PRKD1: variants seen among roughly 807,000 people sequenced by gnomAD.
PRKD1 encodes the protein serine/threonine-protein kinase D1.
A neutral mutation model predicts 95.9 loss-of-function variants in PRKD1; 63 were observed. That is an observed-to-expected ratio of 0.66 (90% CI 0.54 to 0.81). The LOEUF (loss-of-function observed/expected upper bound fraction) is 0.81, where lower values mean the gene tolerates loss of function less well. Ranked by LOEUF, PRKD1 falls within the 30% of genes least tolerant of loss-of-function variation. The pLI, the probability that PRKD1 is intolerant of heterozygous loss-of-function variation, is 0.00. For missense variants in PRKD1, 1,048 were observed against 1,165.3 expected (o/e 0.90, Z 1.47); for synonymous variants, 425 against 423.1 (o/e 1.00, Z -0.05).
chr14:29,621,723 T>C (rs1207053830), intron 13 of PRKD1, among the ~76,000 whole-genome samples: 2 of 152,164 alleles, frequency 1.3e-5, no homozygotes, highest in African/African-American at 4.8e-5. Context: ...GCTGTGTGCC[T>C]TTGTCTGTGC....
At chr14:29,738,960 G>T (rs1175067094) in intron 1 of PRKD1, among the ~76,000 whole-genome samples, 2 of 151,690 alleles carry the variant, frequency 1.3e-5, no homozygotes, top group African/African-American at 4.8e-5. Context: ...CTCAGCCTCT[G>T]GTGTAGCTGG....
intron 1 of PRKD1, among the ~76,000 whole-genome samples, chr14:29,750,616 G>GCGCGCGCGCACA (rs72239992): frequency 3.1e-4 from 46 of 148,482 alleles, no homozygotes; most frequent in South Asian, 2.4e-3. Context: ...ATGAACGCGC[G>GCGCGCGCGCACA]CACACACACA....
At chr14:29,601,198 A>G (rs1893503889) in intron 13 of PRKD1, among the ~76,000 whole-genome samples, 1 of 152,186 alleles carries the variant, frequency 6.6e-6, no homozygotes, top group Admixed American at 6.5e-5. Context: ...GTGAGTCTAC[A>G]TTGTTGTAGT....
chr14:29,762,470 T>C (rs1373949175), intron 1 of PRKD1, among the ~76,000 whole-genome samples: 1 of 151,784 alleles, frequency 6.6e-6, no homozygotes, highest in African/African-American at 2.4e-5. Flanking sequence ...GGCTCTGCTC[T>C]GAAGGTATTA....
intron 1 of PRKD1, among the ~76,000 whole-genome samples, chr14:29,917,145 C>T (rs969779893): frequency 6.6e-6 from 1 of 152,140 alleles, no homozygotes; most frequent in Non-Finnish European, 1.5e-5. Flanking sequence ...TCAATCAAGT[C>T]TCTGGAACTT....
At chr14:29,813,733 TC>T (rs1269736681) in intron 1 of PRKD1, among the ~76,000 whole-genome samples, 5 of 152,200 alleles carry the variant, frequency 3.3e-5, no homozygotes, top group East Asian at 1.9e-4. Flanking sequence ...ATGCTTGCAC[TC>T]TGACCTGTTA....
Position 29,638,563 on chromosome 14 carries a change from C to T in PRKD1, c.911G>A (p.Cys304Tyr), listed in dbSNP as rs776603600. ...LFRQGLQCKD[C>Y]RFNCHKRCAP... ...ACAACGTTTATGGCAGTTGAATCTG[C>T]AATCTAATCCCAGTGATTTTCAAAC... Residue 304 changes from cysteine (C) to tyrosine (Y), a missense_variant, in exon 6 of 18, where the codon TGC (cysteine) becomes TAC (tyrosine). This residue lies in a region of PRKD1 where 739 missense variants were observed against 861.9 expected (regional missense o/e 0.86). Coordinates refer to ENST00000331968, the MANE Select transcript of PRKD1 (RefSeq NM_002742.3). 1.2e-6 allele frequency: 2 copies of T among 1,614,146 alleles called. No individual in the cohort carries two copies. The highest frequency in any genetic ancestry group is 2.2e-5 in the South Asian group (2 of 91,072).
intron 1 of PRKD1, among the ~76,000 whole-genome samples, chr14:29,893,111 C>A (rs1893996096): frequency 6.6e-6 from 1 of 151,978 alleles, no homozygotes; most frequent in South Asian, 2.1e-4. Context: ...ATCAGTAAGA[C>A]AAAATGGACA....
chr14:29,644,939 G>A (rs1271552496), intron 4 of PRKD1, among the ~76,000 whole-genome samples: 1 of 151,668 alleles, frequency 6.6e-6, no homozygotes, highest in Non-Finnish European at 1.5e-5. Flanking sequence ...ACTTTACATG[G>A]ATTTCATTTA....
chr14:29,644,437 C>T (rs147965144), intron 4 of PRKD1, among the ~76,000 whole-genome samples: 6 of 152,234 alleles, frequency 3.9e-5, no homozygotes, highest in South Asian at 2.1e-4. Context: ...GAGAGGACAG[C>T]GTCACTGTAA....
At chr14:29,704,137 G>A (rs1186677858) in intron 2 of PRKD1, among the ~76,000 whole-genome samples, 2 of 152,150 alleles carry the variant, frequency 1.3e-5, no homozygotes, top group Admixed American at 6.6e-5. Context: ...GGCTGAGAAA[G>A]GGTATCTAGT....
At chr14:29,813,454 C>A (rs995672471) in intron 1 of PRKD1, among the ~76,000 whole-genome samples, 1 of 152,010 alleles carries the variant, frequency 6.6e-6, no homozygotes. Flanking sequence ...GGCTGACTTC[C>A]CAGAGCACCT....
At position 29,835,720 on chromosome 14, in the gene PRKD1, G is replaced by A. The variant is rs1396181650; in HGVS notation, c.264+91529C>T. On this transcript the variant is annotated intron_variant, in intron 1 of 17. Coordinates refer to ENST00000331968, the MANE Select transcript of PRKD1 (RefSeq NM_002742.3). ...TGAGTAGCTGGGATTACAGGCACAC[G>A]CCACCACACCCAGCTAATTTTTGTA... is the stretch of plus-strand genomic sequence containing the variant. Among the ~76,000 whole-genome samples the A allele has an allele frequency of 9.2e-5, 14 of 152,076 alleles. 1 individual carries two copies. The South Asian group carries it at 2.3e-3, about 25-fold the overall frequency.
At chr14:29,775,069 T>A (rs528782002) in intron 1 of PRKD1, among the ~76,000 whole-genome samples, 2 of 152,190 alleles carry the variant, frequency 1.3e-5, no homozygotes, top group African/African-American at 2.4e-5. Context: ...GTATCGAGGG[T>A]TCCTAGTTGG....
At chr14:29,771,385 G>A (rs115872479) in intron 1 of PRKD1, among the ~76,000 whole-genome samples, 2,069 of 152,170 alleles carry the variant, frequency 0.014, 32 homozygotes, top group African/African-American at 0.044. Context: ...GGCAGTTGCC[G>A]CCTAGCACTG....
At chr14:29,742,715 T>C (rs1216187682) in intron 1 of PRKD1, among the ~76,000 whole-genome samples, 1 of 152,234 alleles carries the variant, frequency 6.6e-6, no homozygotes, top group Non-Finnish European at 1.5e-5. Context: ...TGACTATGCA[T>C]AAAATAATCG....
intron 4 of PRKD1, among the ~76,000 whole-genome samples, chr14:29,648,673 G>A (rs975218134): frequency 4.0e-5 from 6 of 151,330 alleles, no homozygotes; most frequent in Admixed American, 2.6e-4. Flanking sequence ...CTGTTTTTTT[G>A]ACAGGGAGTC....
chr14:29,672,024 G>A (rs1191030982), intron 2 of PRKD1, among the ~76,000 whole-genome samples: 1 of 152,118 alleles, frequency 6.6e-6, no homozygotes, highest in Admixed American at 6.6e-5. Flanking sequence ...AGTCTTAACA[G>A]AAATCAATGT....
intron 1 of PRKD1, among the ~76,000 whole-genome samples, chr14:29,871,384 T>C (rs906595728): frequency 3.3e-5 from 5 of 152,238 alleles, no homozygotes; most frequent in Non-Finnish European, 7.3e-5. Context: ...GTTGTGACTT[T>C]AAGCAACTTC....
Sources: allele counts gnomAD v4.1 joint callset (sites outside exome capture counted in the v4.1 genomes callset), GRCh38; gene constraint gnomAD v4.1.1; regional missense constraint gnomAD v4.1.1; transcripts MANE v1.5; gene names NCBI Gene and HGNC (gene_info 2026-07-23, HGNC 2026-07-21).